The following KAZN variants were observed in gnomAD, a reference collection of about 807,000 sequenced individuals.
KAZN encodes kazrin, periplakin interacting protein, also known as kazrin.
In KAZN, 40 loss-of-function variants were observed where a neutral mutation model predicts 87.4. The observed-to-expected ratio is 0.46, with a 90% CI of 0.36 to 0.60. The LOEUF is 0.60. Among genes scored for constraint, KAZN ranks in the 20% least tolerant of loss-of-function variants. The probability of loss-of-function intolerance (pLI) is 0.00; values close to 1 mark genes in which losing one functional copy is unlikely to be tolerated. For missense variants in KAZN, 898 were observed against 1,073.9 expected (o/e 0.84, Z 2.29); for synonymous variants, 466 against 458.3 (o/e 1.02, Z -0.22).
chr1:14,272,388 G>C (rs34746417), intron 2 of KAZN, among the ~76,000 whole-genome samples: 31,904 of 152,164 alleles, frequency 0.21, 4,374 homozygotes, highest in Middle Eastern at 0.4. Context: ...CTCTTTAAAT[G>C]TCATATCCTT....
intron 2 of KAZN, among the ~76,000 whole-genome samples, chr1:14,424,553 T>G (rs1218288183): frequency 6.6e-6 from 1 of 152,136 alleles, no homozygotes; most frequent in Non-Finnish European, 1.5e-5. Flanking sequence ...GCACGGCCAT[T>G]CACATGGACA....
chr1:15,029,911 C>A (rs1220784102), intron 2 of KAZN, among the ~76,000 whole-genome samples: 1 of 152,154 alleles, frequency 6.6e-6, no homozygotes, highest in Admixed American at 6.5e-5. Context: ...CTCCAGGAAG[C>A]CACAGTGATA....
intron 2 of KAZN, among the ~76,000 whole-genome samples, chr1:14,556,234 C>G (rs1257553588): frequency 1.3e-5 from 2 of 151,838 alleles, no homozygotes; most frequent in Non-Finnish European, 2.9e-5. Flanking sequence ...CTCAGCCTCC[C>G]GAGTAGCTGG....
chr1:14,811,197 C>A (rs1646397766), intron 1 of KAZN, among the ~76,000 whole-genome samples: 5 of 152,130 alleles, frequency 3.3e-5, no homozygotes, highest in Admixed American at 2.6e-4. Context: ...CTTTTTCTTC[C>A]CCACCCTGTC....
chr1:13,923,250 A>G (rs1406977021), intron 1 of KAZN, among the ~76,000 whole-genome samples: 3 of 152,226 alleles, frequency 2.0e-5, no homozygotes, highest in African/African-American at 2.4e-5. Flanking sequence ...AGCTAGAGAA[A>G]AAAGGTTATT....
intron 2 of KAZN, among the ~76,000 whole-genome samples, chr1:14,185,957 A>G (rs1646296505): frequency 6.6e-6 from 1 of 152,212 alleles, no homozygotes; most frequent in African/African-American, 2.4e-5. Flanking sequence ...CGAGTTGGAA[A>G]TGAGACTCAG....
intron 2 of KAZN, among the ~76,000 whole-genome samples, chr1:14,968,424 G>T (rs1401691439): frequency 6.6e-6 from 1 of 152,130 alleles, no homozygotes. Context: ...AAGAGGCCAG[G>T]GACCAGTACC....
intron 2 of KAZN, among the ~76,000 whole-genome samples, chr1:14,482,554 A>G (rs1473891965): frequency 6.6e-6 from 1 of 152,240 alleles, no homozygotes; most frequent in Non-Finnish European, 1.5e-5. Flanking sequence ...TATGTGTTCA[A>G]TAAAACATTA....
At position 14,679,143 on chromosome 1, in the gene KAZN, G is replaced by T. The variant is rs72866817; in HGVS notation, c.226+79920G>T. Among the ~76,000 whole-genome samples the T allele has an allele frequency of 2.9e-3, 448 of 152,282 alleles. 2 individuals carry two copies. Among genetic ancestry groups the T allele is most frequent in the African/African-American group, 0.01 (428 of 41,542 alleles). The stretch of plus-strand genomic sequence containing the variant: ...GTCCATAAATCAAGAGACAATTACC[G>T]TTGAAAATATAGTTTGTTACTTACA... On this transcript the variant is annotated intron_variant, in intron 1 of 14. Transcript: ENST00000376030.
In KAZN at chr1:13,932,907, G is replaced by A. The variant is rs190929600; in HGVS notation, c.91+39151G>A. On this transcript the variant is annotated intron_variant, in intron 1 of 16. Transcript: ENST00000636203. ...GTTTACTTAAAAATAGATACCAAAT[G>A]CAGATACTTTTTCTAAATAAAATTT... is the stretch of plus-strand genomic sequence containing the variant. Among the ~76,000 whole-genome samples, 883 of 152,264 alleles carry A rather than the reference G, an allele frequency of 5.8e-3. 9 individuals carry two copies. Among genetic ancestry groups the A allele is most frequent in the Non-Finnish European group, 5.4e-3 (369 of 68,030 alleles).
upstream of KAZN, among the ~76,000 whole-genome samples, chr1:14,596,968 G>A (rs1170260786): frequency 6.6e-6 from 1 of 152,166 alleles, no homozygotes; most frequent in Non-Finnish European, 1.5e-5. Flanking sequence ...TTGCTGGGTC[G>A]TATGGTAATC....
At position 15,007,608 on chromosome 1, in the gene KAZN, C is replaced by T. The variant is rs866314761; in HGVS notation, c.419-27141C>T. Among the ~76,000 whole-genome samples, 12 of 152,322 alleles carry T rather than the reference C, an allele frequency of 7.9e-5. No individual in the cohort carries two copies. The East Asian group carries it at 1.4e-3, about 17-fold the overall frequency. On this transcript the variant is annotated intron_variant, in intron 2 of 14. Transcript: ENST00000376030. ...GGGACGCAAGGTGGGCTTGGCCAGC[C>T]GACCCGTTGGGTAGTGGGAGCCCTC...
intron 1 of KAZN, among the ~76,000 whole-genome samples, chr1:13,976,911 C>T (rs1638388569): frequency 6.6e-6 from 1 of 152,138 alleles, no homozygotes; most frequent in African/African-American, 2.4e-5. Context: ...GTTTAAATAG[C>T]ATCTTACTTA....
chr1:14,112,877 A>G (rs1269876908), intron 1 of KAZN, among the ~76,000 whole-genome samples: 1 of 152,178 alleles, frequency 6.6e-6, no homozygotes, highest in African/African-American at 2.4e-5. Flanking sequence ...CCCTGTGCCT[A>G]GCACATAGAA....
intron 1 of KAZN, among the ~76,000 whole-genome samples, chr1:13,914,012 C>G (rs1273592248): frequency 1.3e-5 from 2 of 152,196 alleles, no homozygotes; most frequent in African/African-American, 4.8e-5. Flanking sequence ...GGGGGTGAGG[C>G]CCGGTAATCC....
chr1:13,985,029 A>C (rs918479729), intron 1 of KAZN, among the ~76,000 whole-genome samples: 9 of 152,218 alleles, frequency 5.9e-5, no homozygotes, highest in Admixed American at 5.2e-4. Context: ...GGAGTTTAGC[A>C]GCAGCATGTA....
At chr1:14,993,647 G>A (rs531971234) in intron 2 of KAZN, among the ~76,000 whole-genome samples, 3 of 152,140 alleles carry the variant, frequency 2.0e-5, no homozygotes, top group African/African-American at 4.8e-5. Flanking sequence ...CGTCTGGGAG[G>A]GGGGTGATCG....
intron 2 of KAZN, among the ~76,000 whole-genome samples, chr1:14,402,747 T>G (rs971629794): frequency 6.6e-6 from 1 of 151,862 alleles, no homozygotes; most frequent in African/African-American, 2.4e-5. Flanking sequence ...CCTATTATAA[T>G]GAAAACTATG....
intron 2 of KAZN, among the ~76,000 whole-genome samples, chr1:14,976,992 T>TTGCAG (rs1204868125): frequency 2.7e-4 from 41 of 152,024 alleles, no homozygotes; most frequent in African/African-American, 9.9e-4. Context: ...GAGGCAGAGG[T>TTGCAG]TGCAGTGAGC....
Sources: gnomAD v4.1 joint callset for allele counts (sites outside exome capture counted in the v4.1 genomes callset) on GRCh38, gnomAD v4.1.1 for gene constraint, MANE v1.5 for transcripts, NCBI Gene and HGNC (gene_info 2026-07-23, HGNC 2026-07-21) for gene names.